IGSF10: variants seen among roughly 807,000 people sequenced by gnomAD.
The protein encoded by IGSF10 is calvaria mechanical force protein 608.
IGSF10 carries 126 observed loss-of-function variants against 128.2 expected under a neutral mutation model. The observed-to-expected ratio is 0.98, with a 90% CI of 0.85 to 1.14. The LOEUF (loss-of-function observed/expected upper bound fraction) is 1.14. Ranked by LOEUF, IGSF10 falls within the 50% of genes most tolerant of loss-of-function variation. The pLI, the probability that IGSF10 is intolerant of heterozygous loss-of-function variation, is 0.00. For missense variants in IGSF10, 3,295 were observed against 3,149.8 expected (o/e 1.05, Z -1.10); for synonymous variants, 1,185 against 1,146.2 (o/e 1.03, Z -0.68).
At position 151,437,927 on chromosome 3, in the gene IGSF10, C is replaced by G. The variant is rs767907919; in HGVS notation, c.6634G>C (p.Val2212Leu). ...KVKLLDSGEYVCVARNPSGDD... is the reference protein window; with the variant it reads ...KVKLLDSGEYLCVARNPSGDD... Reference sequence around the variant, plus strand: ...CCACTGGGATTTCGGGCTACACATACGTACTCTCCAGAATCGAGCAGTTTC... The same window carrying G: ...CCACTGGGATTTCGGGCTACACATAGGTACTCTCCAGAATCGAGCAGTTTC... The change falls in exon 8 of 8, where the codon GTA becomes CTA. Residue 2212 changes from valine to leucine, a missense_variant. By Grantham distance (32) the Val-to-Leu change is conservative. Transcript: ENST00000282466. 1.3e-5 allele frequency: 21 copies of G among 1,613,986 alleles called. No homozygotes were observed. Among genetic ancestry groups the G allele is most frequent in the Non-Finnish European group, 1.8e-5 (21 of 1,179,970 alleles).
chr3:151,448,989 A>G lies in IGSF10; in HGVS notation c.992T>C (p.Val331Ala), dbSNP rs772511017. Reference sequence around the variant, plus strand: ...CCTTGAGGGCTTTTGAATACTGCAGACCATGTTAGCTTCATTTCCAGACTG... The same window carrying G: ...CCTTGAGGGCTTTTGAATACTGCAGGCCATGTTAGCTTCATTTCCAGACTG... ...TDQSGNEANM[V>A]CSIQKPSRTS... Residue 331 changes from valine to alanine, a missense_variant, in exon 6 of 8, where the codon GTC (valine) becomes GCC (alanine). Transcript: ENST00000282466. 13 of 1,614,110 alleles carry G rather than the reference A, an allele frequency of 8.1e-6. No homozygotes were observed. The African/African-American group carries it at 1.7e-4, about 22-fold the overall frequency.
chr3:151,458,922 C>T (rs1430502320), intron 2 of IGSF10, among the ~76,000 whole-genome samples: 4 of 152,204 alleles, frequency 2.6e-5, no homozygotes. Flanking sequence ...GGGATATTTA[C>T]TGTTGTGAAA....
the IGSF10 span, among the ~76,000 whole-genome samples, chr3:151,593,294 G>A: frequency 1.9e-4 from 29 of 152,026 alleles, 1 homozygote; most frequent in Admixed American, 1.0e-3. Context: ...TGTATTTTTT[G>A]TAGAGACGAG....
At chr3:151,534,507 A>T in the IGSF10 span, among the ~76,000 whole-genome samples, 1 of 152,288 alleles carries the variant, frequency 6.6e-6, no homozygotes, top group East Asian at 1.9e-4. Flanking sequence ...CTTTTCCGGG[A>T]CATGGATGAA....
chr3:151,463,083 C>G (rs1050700656), upstream of IGSF10, among the ~76,000 whole-genome samples: 7 of 152,156 alleles, frequency 4.6e-5, no homozygotes, highest in African/African-American at 1.7e-4. Context: ...GGCTTGTTAC[C>G]TGGGGTCATT....
At chr3:151,603,491 C>T in the IGSF10 span, among the ~76,000 whole-genome samples, 12 of 152,196 alleles carry the variant, frequency 7.9e-5, no homozygotes. Context: ...TCTACCAGCT[C>T]TTCTTTCTTT....
At chr3:151,604,104 C>A in the IGSF10 span, among the ~76,000 whole-genome samples, 668 of 152,062 alleles carry the variant, frequency 4.4e-3, 1 homozygote, top group African/African-American at 0.015. Flanking sequence ...TGTAGATATT[C>A]AAAAATATCC....
rs761246967 is a variant in IGSF10, at chr3:151,448,359, G to A, written c.1622C>T (p.Ala541Val). The change falls in exon 6 of 8, where the codon GCT becomes GTT. Residue 541 changes from alanine (A) to valine (V), a missense_variant. Transcript: ENST00000282466. ...DKSGKLELQMADSFDTGVYHC... is the reference protein window; with the variant it reads ...DKSGKLELQMVDSFDTGVYHC... The stretch of plus-strand genomic sequence containing the variant: ...ATATACGCCTGTGTCAAAACTATCA[G>A]CCATCTGGAGTTCCAATTTTCCACT... 6.2e-7 allele frequency: 1 copy of A among 1,614,148 alleles called. No individual in the cohort carries two copies. The highest frequency in any genetic ancestry group is 1.1e-5 in the South Asian group (1 of 91,080).
chr3:151,473,377 C>G, the IGSF10 span, among the ~76,000 whole-genome samples: 1 of 152,306 alleles, frequency 6.6e-6, no homozygotes, highest in Non-Finnish European at 1.5e-5. Context: ...TTCTAAACAT[C>G]ACTGCTATTT....
chr3:151,517,593 C>T, the IGSF10 span, among the ~76,000 whole-genome samples: 1 of 151,882 alleles, frequency 6.6e-6, no homozygotes, highest in Non-Finnish European at 1.5e-5. Flanking sequence ...TATGCTGAGA[C>T]TGGAAATCCA....
chr3:151,457,357 A>G (rs1314236700), intron 3 of IGSF10, among the ~76,000 whole-genome samples: 1 of 152,200 alleles, frequency 6.6e-6, no homozygotes, highest in African/African-American at 2.4e-5. Context: ...TTTCAGTTAC[A>G]ATCACCCCCC....
chr3:151,589,735 G>A, the IGSF10 span, among the ~76,000 whole-genome samples: 2 of 152,192 alleles, frequency 1.3e-5, no homozygotes, highest in Non-Finnish European at 2.9e-5. Context: ...ATTGCCAAAA[G>A]TGATGCAAAT....
chr3:151,435,805 T>TTAAA (rs1290797669), downstream of IGSF10: 4 of 151,368 alleles, frequency 2.6e-5, no homozygotes, highest in Non-Finnish European at 5.9e-5. Flanking sequence ...TGATCAGATT[T>TTAAA]TAAATACAGT....
the IGSF10 span, among the ~76,000 whole-genome samples, chr3:151,535,529 T>TA: frequency 3.9e-5 from 6 of 152,182 alleles, no homozygotes; most frequent in African/African-American, 1.4e-4. Context: ...AATCGTACCC[T>TA]AAACCCCACC....
At chr3:151,608,104 A>G in the IGSF10 span, among the ~76,000 whole-genome samples, 1 of 152,114 alleles carries the variant, frequency 6.6e-6, no homozygotes, top group African/African-American at 2.4e-5. Context: ...GGGTAATATA[A>G]GATAATGAAA....
the IGSF10 span, among the ~76,000 whole-genome samples, chr3:151,550,304 A>AT: frequency 7.2e-3 from 1,097 of 152,216 alleles, 13 homozygotes; most frequent in African/African-American, 0.025. Flanking sequence ...AAACATTTGA[A>AT]TTTTTTTACT....
At chr3:151,597,861 G>A in the IGSF10 span, among the ~76,000 whole-genome samples, 1 of 151,804 alleles carries the variant, frequency 6.6e-6, no homozygotes, top group Non-Finnish European at 1.5e-5. Flanking sequence ...AGGTTGCAGT[G>A]AGCCGAGGTC....
the IGSF10 span, among the ~76,000 whole-genome samples, chr3:151,509,792 C>G: frequency 1.3e-5 from 2 of 152,222 alleles, no homozygotes; most frequent in African/African-American, 4.8e-5. Flanking sequence ...CTGCACTTTT[C>G]CAATGGGCTT....
the IGSF10 span, among the ~76,000 whole-genome samples, chr3:151,486,134 A>C: frequency 2.0e-5 from 3 of 150,978 alleles, no homozygotes; most frequent in African/African-American, 7.4e-5. Flanking sequence ...AAAGCAAAAA[A>C]CAAAACAAAA....
Sources: allele counts gnomAD v4.1 joint callset (sites outside exome capture counted in the v4.1 genomes callset), GRCh38; gene constraint gnomAD v4.1.1; transcripts MANE v1.5; gene names NCBI Gene and HGNC (gene_info 2026-07-23, HGNC 2026-07-21).